BBS9: variants seen among roughly 807,000 people sequenced by gnomAD.
BBS9 encodes Bardet-Biedl syndrome 9, also known as protein PTHB1.
In BBS9, 89 loss-of-function variants were observed where a neutral mutation model predicts 117.7. That is an observed-to-expected ratio of 0.76 (90% CI 0.64 to 0.90). The LOEUF is 0.90. Ranked by LOEUF, BBS9 falls within the 40% of genes least tolerant of loss-of-function variation. The pLI is 0.00. For missense variants in BBS9, 982 were observed against 1,042.2 expected, an observed-to-expected ratio of 0.94 and a Z score of 0.80; for synonymous variants, 379 against 370.9, an observed-to-expected ratio of 1.02 and a Z score of -0.25.
chr7:33,311,563 C>G (rs1809223757), intron 9 of BBS9, among the ~76,000 whole-genome samples: 1 of 152,074 alleles, frequency 6.6e-6, no homozygotes, highest in South Asian at 2.1e-4. Context: ...TTTTTCTCCT[C>G]AAAAATGTCT....
chr7:33,241,231 A>G (rs1228418494), intron 5 of BBS9, among the ~76,000 whole-genome samples: 2 of 152,118 alleles, frequency 1.3e-5, no homozygotes, highest in Admixed American at 6.6e-5. Flanking sequence ...CAAGGAGAAG[A>G]CTAGGTAGGC....
At chr7:33,367,670 A>T in intron 16 of BBS9, 97 bp from the exon 17 acceptor site, 2 of 921,472 alleles carry the variant, frequency 2.2e-6, no homozygotes, top group Non-Finnish European at 3.6e-6. Context: ...ATGACTAGTG[A>T]CATAAAAAAC....
At chr7:33,574,556 G>A (rs1307748955) in intron 21 of BBS9, among the ~76,000 whole-genome samples, 1 of 152,012 alleles carries the variant, frequency 6.6e-6, no homozygotes, top group Admixed American at 6.6e-5. Context: ...TCTCCCTGAT[G>A]TCTTTTATTT....
intron 9 of BBS9, among the ~76,000 whole-genome samples, chr7:33,332,676 CAAA>C (rs554867715): frequency 0.041 from 2,310 of 56,336 alleles, 71 homozygotes; most frequent in African/African-American, 0.13. Flanking sequence ...GGCTCCATGT[CAAA>C]ACAACAACAA....
chr7:33,513,902 A>C (rs1403443786), intron 20 of BBS9, among the ~76,000 whole-genome samples: 1 of 152,182 alleles, frequency 6.6e-6, no homozygotes, highest in Non-Finnish European at 1.5e-5. Flanking sequence ...CTTATTTGTG[A>C]TATGGTCTTT....
At chr7:33,607,119 G>A (rs991042114), downstream of BBS9, among the ~76,000 whole-genome samples, 3 of 152,032 alleles carry the variant, frequency 2.0e-5, no homozygotes, top group Admixed American at 6.6e-5. Context: ...GGATAGATTT[G>A]CAAGCTCCTT....
At chr7:33,390,112 C>CCTTTTT (rs1278977598) in intron 19 of BBS9, 2 of 304,646 alleles carry the variant, frequency 6.6e-6, no homozygotes, top group East Asian at 1.7e-4. Flanking sequence ...TTTTCCTTTT[C>CCTTTTT]CTTTTTCCCA....
chr7:33,633,970 C>T (rs1223257154), intron 21 of BBS9, among the ~76,000 whole-genome samples: 1 of 152,174 alleles, frequency 6.6e-6, no homozygotes, highest in Non-Finnish European at 1.5e-5. Context: ...CCCTTCTCTT[C>T]ACAATTCAGA....
Position 33,492,203 on chromosome 7 carries a change from GAAAAAAAAAAC to G in BBS9, c.2116-13237_2116-13227del, listed in dbSNP as rs1471080914. On this transcript the variant is annotated intron_variant, in intron 19 of 22. Coordinates refer to ENST00000242067, the MANE Select transcript of BBS9 (RefSeq NM_198428.3). ...GGGTGACAAAGCAAGATTCCACCTC[GAAAAAAAAAAC>G]AAAAAAAAAACAAAAAAAAAACTTG... is the stretch of plus-strand genomic sequence containing the variant. Among the ~76,000 whole-genome samples the G allele has an allele frequency of 1.0e-3, 75 of 72,402 alleles. 1 individual carries two copies. In the East Asian group the frequency reaches 0.029, roughly 28 times the overall value. 47.5% of individuals were successfully genotyped at this position (72,402 alleles called of 152,430 possible).
intron 4 of BBS9, chr7:33,157,572 A>G (rs1311978356): frequency 2.0e-5 from 3 of 152,154 alleles, no homozygotes. Context: ...GTTCTCTTGA[A>G]TATGTTTCTT....
rs1406907997 is a variant in BBS9 at position 33,197,818 on chromosome 7, C to A, written c.442+20227C>A. Among the ~76,000 whole-genome samples the A allele has an allele frequency of 2.0e-5, 3 of 151,926 alleles. No homozygotes were observed. In the East Asian group the frequency reaches 5.8e-4, roughly 29 times the overall value. ...ATTATACTGTTAAAAAATTCCCAAT[C>A]TTTTTTACTGTTATAAAATTTTATG... is the stretch of plus-strand genomic sequence containing the variant. On this transcript the variant is annotated intron_variant, in intron 5 of 22. Coordinates refer to ENST00000242067, the MANE Select transcript of BBS9 (RefSeq NM_198428.3).
chr7:33,207,612 G>A (rs1056485302), intron 5 of BBS9, among the ~76,000 whole-genome samples: 5 of 149,282 alleles, frequency 3.3e-5, no homozygotes, highest in Admixed American at 2.0e-4. Flanking sequence ...TACCTATCCT[G>A]CTGCAGCCAT....
At chr7:33,153,529 A>G (rs10270961) in intron 3 of BBS9, among the ~76,000 whole-genome samples, 24,615 of 152,188 alleles carry the variant, frequency 0.16, 2,128 homozygotes, top group South Asian at 0.21. Flanking sequence ...AGCCAGAGTC[A>G]GTTTGCCTCC....
chr7:33,197,635 A>G (rs1785150156), intron 5 of BBS9, among the ~76,000 whole-genome samples: 1 of 151,998 alleles, frequency 6.6e-6, no homozygotes, highest in Non-Finnish European at 1.5e-5. Context: ...ATTATAGGAT[A>G]TACTAGATAT....
chr7:33,424,785 G>A (rs1833408685), intron 19 of BBS9, among the ~76,000 whole-genome samples: 1 of 151,900 alleles, frequency 6.6e-6, no homozygotes, highest in African/African-American at 2.4e-5. Context: ...AAATGGAAAT[G>A]TACTTCCTTG....
intron 20 of BBS9, among the ~76,000 whole-genome samples, chr7:33,506,679 T>C (rs1729588346): frequency 6.6e-6 from 1 of 152,194 alleles, no homozygotes; most frequent in Non-Finnish European, 1.5e-5. Flanking sequence ...ATCAGCTGAA[T>C]TGAATATTCT....
chr7:33,381,141 T>C (rs764763190), intron 17 of BBS9, among the ~76,000 whole-genome samples: 71 of 152,218 alleles, frequency 4.7e-4, no homozygotes, highest in Non-Finnish European at 9.6e-4. Context: ...GTTCTTATCA[T>C]GTATTGTGCC....
intron 21 of BBS9, among the ~76,000 whole-genome samples, chr7:33,570,626 A>G (rs1354349441): frequency 1.3e-5 from 2 of 152,236 alleles, no homozygotes; most frequent in Non-Finnish European, 2.9e-5. Flanking sequence ...TCTCAAATAT[A>G]TTTATTAATT....
chr7:33,150,895 A>C (rs1439290490), intron 2 of BBS9, among the ~76,000 whole-genome samples: 1 of 152,182 alleles, frequency 6.6e-6, no homozygotes, highest in Non-Finnish European at 1.5e-5. Context: ...CTTGGACTTG[A>C]GTTTAGTCAG....
Sources: gnomAD v4.1 joint callset for allele counts (sites outside exome capture counted in the v4.1 genomes callset) on GRCh38, gnomAD v4.1.1 for gene constraint, MANE v1.5 for transcripts, NCBI Gene and HGNC (gene_info 2026-07-23, HGNC 2026-07-21) for gene names.